DNAH9: variants seen among roughly 807,000 people sequenced by gnomAD.
DNAH9 encodes dynein axonemal heavy chain 9, also known as DNAH9 variant protein.
In DNAH9, 345 loss-of-function variants were observed where a neutral mutation model predicts 471.6. The observed-to-expected ratio is 0.73, with a 90% CI of 0.67 to 0.80. The LOEUF (loss-of-function observed/expected upper bound fraction) is 0.80. Among genes scored for constraint, DNAH9 ranks in the 30% least tolerant of loss-of-function variants. The pLI is 0.00. For missense variants in DNAH9, 5,407 were observed against 5,609.2 expected (o/e 0.96, Z 1.15); for synonymous variants, 2,093 against 2,123.6 (o/e 0.99, Z 0.40).
chr17:11,646,945 C>T (rs1315777940), intron 11 of DNAH9, 127 bp from the exon 12 acceptor site: 1 of 869,306 alleles, frequency 1.2e-6, no homozygotes, highest in Non-Finnish European at 1.7e-6. Context: ...TGGTTACTCT[C>T]AGAAGCTGAC....
chr17:11,788,736 TTCTTG>T (rs1212287841), intron 41 of DNAH9, among the ~76,000 whole-genome samples: 2 of 152,212 alleles, frequency 1.3e-5, no homozygotes, highest in Non-Finnish European at 2.9e-5. Flanking sequence ...TTAGTTCTTT[TTCTTG>T]TCTTATTGTG....
rs559871947 is a variant in DNAH9 at position 11,664,935 on chromosome 17, G to A, written c.2698G>A (p.Glu900Lys). 2 of 1,613,452 alleles carry A rather than the reference G, an allele frequency of 1.2e-6. No individual in the cohort carries two copies. Among genetic ancestry groups the A allele is most frequent in the East Asian group, 2.2e-5 (1 of 44,856 alleles). The change falls in exon 15 of 69, where the codon GAG (glutamate) becomes AAG (lysine). Residue 900 changes from glutamate (E) to lysine (K), a missense_variant. Glu to Lys is a moderately conservative substitution (Grantham distance 56, BLOSUM62 1). Transcript: ENST00000262442. ...LLLNGFFLAI[E>K]CSLKYLLENT... ...GCTGAATGGATTCTTTCTTGCCATT[G>A]AGTGCTCCCTCAAGTATCTTCTGGA...
At chr17:11,815,122 A>G (rs1043338044) in intron 45 of DNAH9, among the ~76,000 whole-genome samples, 1 of 152,132 alleles carries the variant, frequency 6.6e-6, no homozygotes, top group African/African-American at 2.4e-5. Flanking sequence ...CCAGCTGCAA[A>G]ACAGAAACTC....
Position 11,962,054 on chromosome 17 carries a change from T to C in DNAH9, c.13031T>C (p.Val4344Ala), listed in dbSNP as rs200159087. Residue 4344 changes from valine (V) to alanine (A), a missense_variant, in exon 68 of 69, where the codon GTG (valine) becomes GCG (alanine). Val to Ala is a moderately conservative substitution (Grantham distance 64, BLOSUM62 0). Around this residue, in one of 3 missense-constraint regions of DNAH9, gnomAD observed 4,636 missense variants for 4,900.3 expected, o/e 0.95. Transcript: ENST00000262442. This position sits in a 1 kb window ranked among gnomAD's most constrained non-coding sequence, Gnocchi z 4.1. ...WTGDFTMPST[V>A]WLTGFFNPQS... is the part of the protein sequence containing the mutation. Reference sequence around the variant, plus strand: ...GGTGACTTTACAATGCCCTCCACTGTGTGGCTGACAGGCTTCTTCAACCCC... The same window carrying C: ...GGTGACTTTACAATGCCCTCCACTGCGTGGCTGACAGGCTTCTTCAACCCC... The C allele has an allele frequency of 6.2e-7, 1 of 1,614,182 alleles. No homozygotes were observed. Among genetic ancestry groups the C allele is most frequent in the East Asian group, 2.2e-5 (1 of 44,858 alleles).
chr17:11,605,419 G>A (rs1263913361), intron 1 of DNAH9, among the ~76,000 whole-genome samples: 1 of 152,108 alleles, frequency 6.6e-6, no homozygotes, highest in Non-Finnish European at 1.5e-5. Context: ...AAAAGTACCA[G>A]CACATAATAG....
chr17:11,612,136 C>G (rs1409079452), intron 4 of DNAH9: 1 of 538,638 alleles, frequency 1.9e-6, no homozygotes, highest in Non-Finnish European at 3.3e-6. Context: ...GGAGCTGTCC[C>G]TTTGTGTCTT....
chr17:11,749,074 G>GT (rs375847017), intron 32 of DNAH9, among the ~76,000 whole-genome samples: 69 of 49,130 alleles, frequency 1.4e-3, no homozygotes, highest in Middle Eastern at 0.011. Flanking sequence ...GTTTTTTTTT[G>GT]TTTTTTTTTT....
chr17:11,863,918 C>A (rs1971948570), intron 50 of DNAH9, among the ~76,000 whole-genome samples: 3 of 151,780 alleles, frequency 2.0e-5, no homozygotes, highest in Admixed American at 1.3e-4. Context: ...CTCCTTTTTT[C>A]TTTATTAGTC....
intron 67 of DNAH9, among the ~76,000 whole-genome samples, chr17:11,947,738 T>G (rs932725785): frequency 4.0e-5 from 6 of 150,418 alleles, no homozygotes; most frequent in Non-Finnish European, 8.9e-5. Context: ...GATGGAGCCA[T>G]GGCCAGCCCA....
At chr17:11,679,730 T>G (rs757008763) in intron 17 of DNAH9, 27 bp from the exon 18 acceptor site, 1 of 1,481,376 alleles carries the variant, frequency 6.8e-7, no homozygotes, top group Admixed American at 1.7e-5. Flanking sequence ...CGAGAATGGT[T>G]CCTCATGTTC....
chr17:11,764,851 G>A (rs781320406), intron 36 of DNAH9, among the ~76,000 whole-genome samples: 2 of 152,198 alleles, frequency 1.3e-5, no homozygotes, highest in Admixed American at 6.5e-5. Flanking sequence ...AGATTGTGGC[G>A]ATGGTTTCAC....
intron 66 of DNAH9, among the ~76,000 whole-genome samples, chr17:11,939,100 G>T (rs574669230): frequency 2.0e-5 from 3 of 152,156 alleles, no homozygotes; most frequent in Non-Finnish European, 4.4e-5. Flanking sequence ...ATGTGCCAGA[G>T]AGATTGAAAT....
rs182856738 is a variant in DNAH9 at position 11,738,015 on chromosome 17, A to G, written c.5815-865A>G. ...CTTAGAACAAGCTCAGCAGGTAACT[A>G]TGGCATCCTCACCATCACACAATAC... On this transcript the variant is annotated intron_variant, in intron 28 of 68. Coordinates refer to ENST00000262442, the MANE Select transcript of DNAH9 (RefSeq NM_001372.4). Among the ~76,000 whole-genome samples the G allele has an allele frequency of 3.9e-3, 591 of 152,302 alleles. 3 individuals are homozygous for G. The highest frequency in any genetic ancestry group is 0.013 in the African/African-American group (542 of 41,560).
intron 67 of DNAH9, among the ~76,000 whole-genome samples, chr17:11,952,479 T>A (rs1975420847): frequency 6.6e-6 from 1 of 151,960 alleles, no homozygotes; most frequent in African/African-American, 2.4e-5. Context: ...AATTTTATAA[T>A]TTTAGTTCAC....
intron 28 of DNAH9, 128 bp from the exon 29 acceptor site, chr17:11,738,752 G>A (rs780609769): frequency 6.3e-6 from 5 of 787,406 alleles, no homozygotes; most frequent in South Asian, 1.6e-5. Flanking sequence ...CATCATGCCT[G>A]TCTTTCAGTG....
intron 49 of DNAH9, among the ~76,000 whole-genome samples, chr17:11,851,075 T>G (rs1167192768): frequency 6.8e-6 from 1 of 147,432 alleles, no homozygotes; most frequent in Admixed American, 6.9e-5. Flanking sequence ...AGGGTGGGGG[T>G]CGTTTAAATT....
chr17:11,671,432 G>A (rs2073970934), intron 17 of DNAH9, among the ~76,000 whole-genome samples: 2 of 152,188 alleles, frequency 1.3e-5, no homozygotes, highest in Admixed American at 1.3e-4. Flanking sequence ...ACAGGCAGGA[G>A]CCTTTGTTGT....
In DNAH9 at chr17:11,723,595, G is replaced by A. The variant is rs1177276187; in HGVS notation, c.5709+4105G>A. The A allele has an allele frequency of 2.0e-5, 3 of 152,094 alleles. No homozygotes were observed. The East Asian group carries it at 5.8e-4, about 29-fold the overall frequency. 9.4% of individuals were successfully genotyped at this position (152,094 alleles called of 1,614,324 possible). A position where few individuals can be genotyped will look rare whatever the true frequency, so the allele number is the denominator to read the frequency against. ...GGAAACTCCACTTCCTTTATTTTAT[G>A]TTTTGAGTTTTCATTTTATAAAAAG... On this transcript the variant is annotated intron_variant, in intron 27 of 68. Transcript: ENST00000262442.
intron 61 of DNAH9, among the ~76,000 whole-genome samples, chr17:11,907,702 G>A (rs534865763): frequency 1.3e-5 from 2 of 152,200 alleles, no homozygotes; most frequent in East Asian, 3.9e-4. Context: ...GTGCCTCAGG[G>A]GAGGAGAGAT....
Sources: gnomAD v4.1 joint callset for allele counts (sites outside exome capture counted in the v4.1 genomes callset) on GRCh38, gnomAD v4.1.1 for gene constraint, gnomAD v4.1.1 regional missense constraint, Gnocchi (gnomAD v3.1) non-coding constraint, MANE v1.5 for transcripts, NCBI Gene and HGNC (gene_info 2026-07-23, HGNC 2026-07-21) for gene names.